CLTC: variants seen among roughly 807,000 people sequenced by gnomAD.
CLTC encodes clathrin heavy chain 1.
A neutral mutation model predicts 195.8 loss-of-function variants in CLTC; 16 were observed. That is an observed-to-expected ratio of 0.08 (90% CI 0.06 to 0.12). CLTC has a LOEUF of 0.12. Among genes scored for constraint, CLTC ranks in the 10% least tolerant of loss-of-function variants. CLTC has a pLI of 1.00. For missense variants in CLTC, 796 were observed against 2,027.0 expected (o/e 0.39, Z 11.66); for synonymous variants, 667 against 689.4 (o/e 0.97, Z 0.51).
intron 10 of CLTC, among the ~76,000 whole-genome samples, chr17:59,665,895 T>C (rs776809722): frequency 3.1e-4 from 47 of 152,168 alleles, no homozygotes; most frequent in Non-Finnish European, 6.2e-4. Flanking sequence ...TTCAGTTGTA[T>C]TCTGCTGTTA....
chr17:59,683,265 AACCAGTCATTGTAACACAGT>A lies in CLTC; in HGVS notation c.4041+4_4041+23del. On this transcript the variant is annotated splice_donor_5th_base_variant and intron_variant, in intron 25 of 31. Transcript: ENST00000269122. This position sits in a 1 kb window ranked among gnomAD's most constrained non-coding sequence, Gnocchi z 6.1. ...GGTCTAGAGTGAATATTCCCAAGGT[AACCAGTCATTGTAACACAGT>A]GAAGCAACTGTGTAGTTAAAACTAA... is the stretch of plus-strand genomic sequence containing the variant. 4 of 1,613,548 alleles carry A rather than the reference AACCAGTCATTGTAACACAGT, an allele frequency of 2.5e-6. No homozygotes were observed. The South Asian group carries it at 4.4e-5, about 18-fold the overall frequency.
Position 59,682,195 on chromosome 17 carries a change from C to T in CLTC, c.3443-76C>T. The T allele has an allele frequency of 1.5e-6, 2 of 1,364,424 alleles. No homozygotes were observed. Among genetic ancestry groups the T allele is most frequent in the East Asian group, 2.3e-5 (1 of 43,224 alleles). The allele number at this position is 1,364,424 out of a possible 1,614,324, so 84.5% of individuals were successfully genotyped here. Reference sequence around the variant, plus strand: ...TGTTTCCTTGAAAAGGAAATGAATGCAATTTTCATTTACTTGGGTGAAAGA... The same window carrying T: ...TGTTTCCTTGAAAAGGAAATGAATGTAATTTTCATTTACTTGGGTGAAAGA... On this transcript the variant is annotated intron_variant, in intron 21 of 31. Transcript: ENST00000269122. The surrounding 1 kb of genome is among the most constrained non-coding windows in gnomAD (Gnocchi z 6.8).
chr17:59,696,078 T>C lies in CLTC; in HGVS notation c.*2226T>C, dbSNP rs182025709. On this transcript the variant is annotated 3_prime_UTR_variant, in exon 32 of 32. Coordinates refer to ENST00000269122, the MANE Select transcript of CLTC (RefSeq NM_004859.4). ...GTTGGGAATGCCACTACCTTTGAAT[T>C]TGGAGCCATCAGTCTATCTGAGGCA... is the stretch of plus-strand genomic sequence containing the variant. The C allele has an allele frequency of 4.7e-6, 1 of 212,440 alleles. No homozygotes were observed. The highest frequency in any genetic ancestry group is 9.5e-6 in the Non-Finnish European group (1 of 105,032). 13.2% of individuals were successfully genotyped at this position (212,440 alleles called of 1,614,324 possible). A position where few individuals can be genotyped will look rare whatever the true frequency, so the allele number is the denominator to read the frequency against.
At chr17:59,638,714 A>AAAT (rs2031942620) in intron 1 of CLTC, among the ~76,000 whole-genome samples, 1 of 152,176 alleles carries the variant, frequency 6.6e-6, no homozygotes, top group Non-Finnish European at 1.5e-5. Flanking sequence ...GCCGTGGCTG[A>AAAT]AATGACAGGA....
At position 59,620,306 on chromosome 17, in the gene CLTC, AG is replaced by A. The variant is rs1025943168; in HGVS notation, c.42+138del. 3.1e-5 allele frequency: 25 copies of A among 814,622 alleles called. No homozygotes were observed. The African/African-American group carries it at 3.9e-4, about 13-fold the overall frequency. 50.5% of individuals were successfully genotyped at this position (814,622 alleles called of 1,614,324 possible). A position where few individuals can be genotyped will look rare whatever the true frequency, so the allele number is the denominator to read the frequency against. On this transcript the variant is annotated intron_variant, in intron 1 of 31. Coordinates refer to ENST00000269122, the MANE Select transcript of CLTC (RefSeq NM_004859.4). ...TGTCGGTGATTGGGGTAGGTGGAGG[AG>A]GGGGCACTATCTTGGAAAGCTTAAA... is the stretch of plus-strand genomic sequence containing the variant.
chr17:59,665,249 C>G (rs35306883), intron 10 of CLTC, among the ~76,000 whole-genome samples: 2,802 of 150,938 alleles, frequency 0.019, 44 homozygotes, highest in Non-Finnish European at 0.03. Flanking sequence ...GGAAAACTTA[C>G]AGTTTGTAGA....
intron 7 of CLTC, among the ~76,000 whole-genome samples, 158 bp from the exon 8 acceptor site, chr17:59,661,284 TA>T (rs1442756358): frequency 1.3e-5 from 2 of 152,220 alleles, no homozygotes; most frequent in Admixed American, 1.3e-4. Context: ...TGAAACTTCC[TA>T]ACTTGATGTT....
intron 17 of CLTC, among the ~76,000 whole-genome samples, chr17:59,678,226 A>G (rs1420252189): frequency 6.6e-6 from 1 of 152,108 alleles, no homozygotes; most frequent in Non-Finnish European, 1.5e-5. Context: ...CGCAGTGTTC[A>G]TTTGTCCCCT....
chr17:59,682,811 TTGAG>T lies in CLTC; in HGVS notation c.3765+22_3765+25del. On this transcript the variant is annotated intron_variant, in intron 23 of 31. Coordinates refer to ENST00000269122, the MANE Select transcript of CLTC (RefSeq NM_004859.4). This position sits in a 1 kb window ranked among gnomAD's most constrained non-coding sequence, Gnocchi z 6.8. The stretch of plus-strand genomic sequence containing the variant: ...GGAAAGAGGTAATCTAAACCCAAGT[TTGAG>T]TGAAGAATTAAAGAAACGCTATTTA... The T allele has an allele frequency of 6.2e-7, 1 of 1,612,244 alleles. No individual in the cohort carries two copies. Among genetic ancestry groups the T allele is most frequent in the African/African-American group, 1.3e-5 (1 of 74,906 alleles).
intron 2 of CLTC, among the ~76,000 whole-genome samples, chr17:59,644,731 T>G (rs2032144193): frequency 6.6e-6 from 1 of 152,110 alleles, no homozygotes. Flanking sequence ...TTTTGTATTT[T>G]TAGTAGAGAT....
At chr17:59,626,497 G>A (rs537443936) in intron 1 of CLTC, among the ~76,000 whole-genome samples, 2 of 152,202 alleles carry the variant, frequency 1.3e-5, no homozygotes, top group East Asian at 1.9e-4. Context: ...ATGGAATGCC[G>A]GTCAGGCGAT....
chr17:59,643,448 T>A (rs1019660395), intron 1 of CLTC, among the ~76,000 whole-genome samples: 1 of 152,166 alleles, frequency 6.6e-6, no homozygotes, highest in Non-Finnish European at 1.5e-5. Context: ...ATTTTCTGAG[T>A]ACACAAAGCA....
chr17:59,642,619 A>C (rs772702565), intron 1 of CLTC, among the ~76,000 whole-genome samples: 16 of 152,216 alleles, frequency 1.1e-4, no homozygotes, highest in Non-Finnish European at 2.2e-4. Context: ...GGAAGAAGTT[A>C]AAATTAATGG....
In CLTC at chr17:59,664,774, T is replaced by C. The variant is rs1483831899; in HGVS notation, c.1522-13T>C. 1.9e-6 allele frequency: 3 copies of C among 1,612,100 alleles called. No homozygotes were observed. The highest frequency in any genetic ancestry group is 2.5e-6 in the Non-Finnish European group (3 of 1,178,780). ...AACTTAGGAGCAGCGTTTAAGTCTTTGTTTGTTTATAGGTTGGATACACTC... is the reference window on the plus strand; with the variant it reads ...AACTTAGGAGCAGCGTTTAAGTCTTCGTTTGTTTATAGGTTGGATACACTC... On this transcript the variant is annotated splice_polypyrimidine_tract_variant and intron_variant, in intron 9 of 31. Transcript: ENST00000269122.
intron 17 of CLTC, among the ~76,000 whole-genome samples, chr17:59,678,764 G>T (rs1482203706): frequency 6.6e-6 from 1 of 152,180 alleles, no homozygotes; most frequent in African/African-American, 2.4e-5. Flanking sequence ...ACTTTGGGAG[G>T]CCGAGGCAGG....
Position 59,664,914 on chromosome 17 carries a change from T to C in CLTC, c.1644+5T>C, listed in dbSNP as rs779349253. 3 of 1,613,770 alleles carry C rather than the reference T, an allele frequency of 1.9e-6. No individual in the cohort carries two copies. The South Asian group carries it at 3.3e-5, about 18-fold the overall frequency. ...CCTCTTGCTGACATCACACAGGTAA[T>C]GTGATTAAAATATATTTTGTAGAAG... On this transcript the variant is annotated splice_donor_5th_base_variant and intron_variant, in intron 10 of 31. Coordinates refer to ENST00000269122, the MANE Select transcript of CLTC (RefSeq NM_004859.4).
Position 59,683,787 on chromosome 17 carries a change from T to C in CLTC, c.4323+31T>C, listed in dbSNP as rs1332672804. The C allele has an allele frequency of 3.1e-6, 5 of 1,614,028 alleles. No individual in the cohort carries two copies. Among genetic ancestry groups the C allele is most frequent in the East Asian group, 4.5e-5 (2 of 44,864 alleles). ...GTAATAATTTTAAACCAAAGCTTCATAGCAAGGAATTAGGACATACTTCGA... is the reference window on the plus strand; with the variant it reads ...GTAATAATTTTAAACCAAAGCTTCACAGCAAGGAATTAGGACATACTTCGA... On this transcript the variant is annotated intron_variant, in intron 27 of 31. Coordinates refer to ENST00000269122, the MANE Select transcript of CLTC (RefSeq NM_004859.4). This position sits in a 1 kb window ranked among gnomAD's most constrained non-coding sequence, Gnocchi z 6.1.
intron 18 of CLTC, among the ~76,000 whole-genome samples, chr17:59,679,747 A>G (rs1055833810): frequency 6.6e-5 from 10 of 152,072 alleles, no homozygotes; most frequent in Non-Finnish European, 1.2e-4. Flanking sequence ...GTACATTTAT[A>G]TAAGTATAAA....
At chr17:59,665,536 C>A (rs759276442) in intron 10 of CLTC, among the ~76,000 whole-genome samples, 1 of 151,960 alleles carries the variant, frequency 6.6e-6, no homozygotes, top group African/African-American at 2.4e-5. Flanking sequence ...TTCTAAAGTT[C>A]ATAAAAATAA....
Sources: gnomAD v4.1 joint callset for allele counts (sites outside exome capture counted in the v4.1 genomes callset) on GRCh38, gnomAD v4.1.1 for gene constraint, Gnocchi (gnomAD v3.1) non-coding constraint, MANE v1.5 for transcripts, NCBI Gene and HGNC (gene_info 2026-07-23, HGNC 2026-07-21) for gene names.